Variants in SGCA observed in about 807,000 individuals in gnomAD.
SGCA encodes sarcoglycan alpha, also known as alpha-sarcoglycan.
In SGCA, 34 loss-of-function variants were observed where a neutral mutation model predicts 38.1. That is an observed-to-expected ratio of 0.89 (90% confidence interval 0.68 to 1.19). The LOEUF is 1.19. SGCA is among the 50% of genes most tolerant of loss of function. The probability of loss-of-function intolerance (pLI) is 0.00; values close to 1 mark genes in which losing one functional copy is unlikely to be tolerated. For synonymous variants in SGCA, 209 were observed against 214.6 expected (o/e 0.97, Z 0.23); for missense variants, 476 against 524.9 (o/e 0.91, Z 0.91).
chr17:50,170,425 C>A, intron 7 of SGCA, 74 bp downstream of exon 7: 1 of 1,465,736 alleles, frequency 6.8e-7, no homozygotes, highest in Non-Finnish European at 9.5e-7. Flanking sequence ...GGCACTTGTG[C>A]TGTATGGGAC....
Position 50,175,247 on chromosome 17 carries a change from G to A in SGCA, c.984-10G>A, listed in dbSNP as rs369385261. The A allele has an allele frequency of 4.1e-5, 66 of 1,595,602 alleles. No individual in the cohort carries two copies. In the African/African-American group the frequency reaches 7.6e-4, roughly 18 times the overall value. On this transcript the variant is annotated splice_polypyrimidine_tract_variant and intron_variant, in intron 8 of 9. Coordinates refer to ENST00000262018, the MANE Select transcript of SGCA (RefSeq NM_000023.4). ...TCCCAGAGCTGATGACTCCCCACCT[G>A]TGCCTCCAGCATCCAGATGGTCCAC... is the stretch of plus-strand genomic sequence containing the variant.
chr17:50,174,558 G>A (rs932138011), intron 8 of SGCA, among the ~76,000 whole-genome samples: 24 of 152,014 alleles, frequency 1.6e-4, no homozygotes, highest in Non-Finnish European at 8.8e-5. Context: ...TGTTGGTCAG[G>A]CTGGCCTTGA....
chr17:50,172,356 G>A (rs1432695770), intron 8 of SGCA: 1 of 447,646 alleles, frequency 2.2e-6, no homozygotes, highest in East Asian at 7.1e-5. Flanking sequence ...GGAGATGCCA[G>A]ATGGTGGAGG....
Position 50,175,242 on chromosome 17 carries a change from C to G in SGCA, c.984-15C>G, listed in dbSNP as rs758956473. 6.3e-7 allele frequency: 1 copy of G among 1,591,768 alleles called. No individual in the cohort carries two copies. Among genetic ancestry groups the G allele is most frequent in the Non-Finnish European group, 8.5e-7 (1 of 1,169,944 alleles). ...CTGACTCCCAGAGCTGATGACTCCC[C>G]ACCTGTGCCTCCAGCATCCAGATGG... On this transcript the variant is annotated splice_polypyrimidine_tract_variant and intron_variant, in intron 8 of 9. Coordinates refer to ENST00000262018, the MANE Select transcript of SGCA (RefSeq NM_000023.4).
chr17:50,172,425 C>A, intron 8 of SGCA: 1 of 404,706 alleles, frequency 2.5e-6, no homozygotes, highest in Non-Finnish European at 5.1e-6. Context: ...AGACAGCGGG[C>A]CTGCACGGTG....
intron 6 of SGCA, 21 bp downstream of exon 6, chr17:50,169,275 C>A: frequency 6.3e-7 from 1 of 1,599,570 alleles, no homozygotes; most frequent in Admixed American, 1.7e-5. Context: ...ACCCTGGGTC[C>A]GGGGGTGGGG....
rs200451242 is a variant in SGCA, at chr17:50,167,045, TCA to T, written c.38-309_38-308del. Among the ~76,000 whole-genome samples the T allele has an allele frequency of 2.6e-4, 27 of 104,626 alleles. No individual in the cohort carries two copies. The highest frequency in any genetic ancestry group is 6.9e-4 in the African/African-American group (19 of 27,728). 68.6% of individuals were successfully genotyped at this position (104,626 alleles called of 152,430 possible). Reference sequence around the variant, plus strand: ...CACACACACACCCCCCCACATCCCCTCACACACACACACACCCTCACACACAC... The same window carrying T: ...CACACACACACCCCCCCACATCCCCTCACACACACACACCCTCACACACAC... On this transcript the variant is annotated intron_variant, in intron 1 of 9. Coordinates refer to ENST00000262018, the MANE Select transcript of SGCA (RefSeq NM_000023.4). The surrounding 1 kb of genome is among the most constrained non-coding windows in gnomAD (Gnocchi z 4.5).
At chr17:50,175,088 C>T (rs953082223) in intron 8 of SGCA, 169 bp from the exon 9 acceptor site, 21 of 718,820 alleles carry the variant, frequency 2.9e-5, no homozygotes, top group South Asian at 1.9e-4. Flanking sequence ...TGAGCCACCA[C>T]GCCCGGCCCC....
intron 8 of SGCA, chr17:50,172,403 C>T (rs762248646): frequency 2.4e-5 from 10 of 421,332 alleles, no homozygotes; most frequent in Non-Finnish European, 3.4e-5. Flanking sequence ...AGGAGGGCTG[C>T]GCTTGTGGGC....
At chr17:50,171,038 T>G (rs567283461) in intron 8 of SGCA, among the ~76,000 whole-genome samples, 3 of 152,202 alleles carry the variant, frequency 2.0e-5, no homozygotes, top group Non-Finnish European at 4.4e-5. Context: ...CACTCCAGCC[T>G]GGGCGACAGA....
intron 5 of SGCA, 82 bp downstream of exon 5, chr17:50,168,654 C>G: frequency 7.7e-7 from 1 of 1,291,556 alleles, no homozygotes. Flanking sequence ...TCCCTAATTT[C>G]CAGGTGGGGC....
chr17:50,171,973 G>A (rs1346029340), intron 8 of SGCA: 8 of 456,614 alleles, frequency 1.8e-5, no homozygotes, highest in Non-Finnish European at 3.5e-5. Flanking sequence ...ACCCATGGCA[G>A]TATTTGAGTT....
chr17:50,167,695 G>A lies in SGCA; in HGVS notation c.271G>A (p.Gly91Ser), dbSNP rs890921874. ...CCCCCACCACCCTGGCTTCCTCTACGGCTCTGCCACCCCAGAAGATCGTGG... is the reference window on the plus strand; with the variant it reads ...CCCCCACCACCCTGGCTTCCTCTACAGCTCTGCCACCCCAGAAGATCGTGG... Reference protein sequence around the residue: ...RSPHHPGFLYGSATPEDRGLQ... With the variant: ...RSPHHPGFLYSSATPEDRGLQ... Residue 91 changes from glycine (G) to serine (S), a missense_variant, in exon 3 of 10, where the codon GGC becomes AGC. Transcript: ENST00000262018. The surrounding 1 kb of genome is among the most constrained non-coding windows in gnomAD (Gnocchi z 4.5). The A allele has an allele frequency of 4.3e-6, 7 of 1,613,392 alleles. No individual in the cohort carries two copies. The highest frequency in any genetic ancestry group is 2.7e-5 in the African/African-American group (2 of 74,986).
intron 6 of SGCA, chr17:50,169,630 C>T (rs957484529): frequency 7.8e-5 from 26 of 332,942 alleles, no homozygotes; most frequent in African/African-American, 2.5e-4. Flanking sequence ...AAGGTGCCAC[C>T]TAGCAAACCC....
At chr17:50,168,235 G>C in intron 4 of SGCA, 139 bp from the exon 5 acceptor site, 1 of 837,486 alleles carries the variant, frequency 1.2e-6, no homozygotes, top group South Asian at 1.5e-5. Flanking sequence ...ATTGGGACTT[G>C]GCTTGTTGGG....
chr17:50,170,121 C>T, intron 6 of SGCA, 22 bp from the exon 7 acceptor site: 2 of 1,610,044 alleles, frequency 1.2e-6, no homozygotes. Flanking sequence ...CTTCCTGCGT[C>T]AGCCCTGAGC....
chr17:50,170,521 C>A, intron 7 of SGCA, 119 bp from the exon 8 acceptor site: 1 of 1,353,814 alleles, frequency 7.4e-7, no homozygotes, highest in Non-Finnish European at 1.0e-6. Flanking sequence ...ACCTGCCTGG[C>A]CTGGCACCAG....
intron 5 of SGCA, 48 bp from the exon 6 acceptor site, chr17:50,169,044 G>A (rs747746408): frequency 2.2e-5 from 35 of 1,582,264 alleles, no homozygotes; most frequent in Non-Finnish European, 2.8e-5. Context: ...GTGGTGCCTC[G>A]TGCCCCCTGC....
At chr17:50,174,046 C>T (rs569625947) in intron 8 of SGCA, among the ~76,000 whole-genome samples, 19 of 152,286 alleles carry the variant, frequency 1.2e-4, no homozygotes, top group African/African-American at 4.6e-4. Flanking sequence ...TGGCTGGGTG[C>T]AGTGGCTCAT....
Sources: gnomAD v4.1 joint callset for allele counts (sites outside exome capture counted in the v4.1 genomes callset) on GRCh38, gnomAD v4.1.1 for gene constraint, Gnocchi (gnomAD v3.1) non-coding constraint, MANE v1.5 for transcripts, NCBI Gene and HGNC (gene_info 2026-07-23, HGNC 2026-07-21) for gene names.